Variants in SAMD4B observed in about 807,000 individuals in gnomAD.
The protein encoded by SAMD4B is sterile alpha motif domain containing 4B.
Under a neutral mutation model 74.5 loss-of-function variants are expected in SAMD4B, and 5 were observed. The ratio of observed to expected loss-of-function variants is 0.07; its 90% confidence interval spans 0.04 to 0.14. The LOEUF is 0.14. Ranked by LOEUF, SAMD4B falls within the 10% of genes least tolerant of loss-of-function variation. The pLI is 1.00. For synonymous variants in SAMD4B, 373 were observed against 374.9 expected (o/e 1.00, Z 0.06); for missense variants, 608 against 921.8 (o/e 0.66, Z 4.41).
At chr19:39,357,166 A>C in intron 3 of SAMD4B, 77 bp downstream of exon 3, 2 of 1,333,690 alleles carry the variant, frequency 1.5e-6, no homozygotes, top group Non-Finnish European at 2.0e-6. Context: ...AAGAAGGTCA[A>C]CCCAACAATG....
chr19:39,369,989 C>G lies in SAMD4B; in HGVS notation c.531C>G (p.Gly177=), dbSNP rs933142027. Residue 177 remains glycine (G), a synonymous_variant, in exon 4 of 14, where the codon GGC becomes GGG. Transcript: ENST00000610417. The part of the protein sequence containing the change: ...HSRQGSDEWG[G]PAELGPGEAG... ...GTCAAGGCTCAGATGAGTGGGGGGG[C>G]CCTGCAGAGCTAGGCCCTGGGGAGG... The G allele has an allele frequency of 1.9e-6, 3 of 1,613,054 alleles. No homozygotes were observed. The highest frequency in any genetic ancestry group is 2.7e-5 in the African/African-American group (2 of 74,884).
chr19:39,343,712 C>T (rs767433945), intron 1 of SAMD4B, among the ~76,000 whole-genome samples: 2 of 151,988 alleles, frequency 1.3e-5, no homozygotes, highest in Non-Finnish European at 2.9e-5. Context: ...GGACTCTCAG[C>T]ATCATATTCC....
At chr19:39,379,736 A>G (rs1316449896) in intron 9 of SAMD4B, among the ~76,000 whole-genome samples, 1 of 152,026 alleles carries the variant, frequency 6.6e-6, no homozygotes, top group Admixed American at 6.5e-5. Flanking sequence ...ATGCCTGGAT[A>G]ATTTTTGTAC....
intron 1 of SAMD4B, among the ~76,000 whole-genome samples, chr19:39,346,211 A>G (rs929511668): frequency 6.6e-6 from 1 of 152,192 alleles, no homozygotes; most frequent in Non-Finnish European, 1.5e-5. Flanking sequence ...TACAAATTAT[A>G]TGCTGTAGAA....
chr19:39,388,979 C>T (rs1374477508), downstream of SAMD4B: 1 of 1,614,028 alleles, frequency 6.2e-7, no homozygotes, highest in African/African-American at 1.3e-5. Context: ...ATGACCTCCA[C>T]CGGTGTGACT....
chr19:39,382,182 C>T (rs972526495), intron 12 of SAMD4B, among the ~76,000 whole-genome samples: 3 of 152,108 alleles, frequency 2.0e-5, no homozygotes, highest in Non-Finnish European at 4.4e-5. Flanking sequence ...CTGTTGAGGC[C>T]GTGGGAACCC....
intron 4 of SAMD4B, among the ~76,000 whole-genome samples, chr19:39,373,326 C>T (rs895261616): frequency 2.6e-5 from 4 of 152,120 alleles, no homozygotes; most frequent in African/African-American, 9.7e-5. Context: ...CCTCTTAGCA[C>T]CCTTTTGTCC....
intron 3 of SAMD4B, among the ~76,000 whole-genome samples, chr19:39,357,824 C>T (rs2076416485): frequency 6.6e-6 from 1 of 152,148 alleles, no homozygotes; most frequent in African/African-American, 2.4e-5. Flanking sequence ...TAGTGGATAC[C>T]CGAAAGCTAG....
chr19:39,359,518 A>G (rs1223412571), intron 3 of SAMD4B, among the ~76,000 whole-genome samples: 1 of 152,204 alleles, frequency 6.6e-6, no homozygotes, highest in Non-Finnish European at 1.5e-5. Flanking sequence ...CATGCATATT[A>G]ACCAGTTTGG....
rs75922393 is a variant in SAMD4B, at chr19:39,385,565, G to A, written c.*2038G>A. 3,920 of 489,336 alleles carry A rather than the reference G, an allele frequency of 8.0e-3. 133 individuals carry two copies. Among genetic ancestry groups the A allele is most frequent in the African/African-American group, 0.068 (3,446 of 50,818 alleles). 30.3% of individuals were successfully genotyped at this position (489,336 alleles called of 1,614,324 possible). ...ACCCTCCCTACCCACTTCTGTCCCC[G>A]GCCCCACTGGCAGAATCAGCTTTGA... On this transcript the variant is annotated 3_prime_UTR_variant, in exon 14 of 14. Transcript: ENST00000610417.
intron 2 of SAMD4B, among the ~76,000 whole-genome samples, chr19:39,354,496 A>G (rs574159146): frequency 2.0e-5 from 3 of 152,260 alleles, no homozygotes; most frequent in South Asian, 4.1e-4. Flanking sequence ...TTCACCTTCT[A>G]TAGCTATTTA....
Position 39,355,105 on chromosome 19 carries a change from T to C in SAMD4B, c.-206+1039T>C, listed in dbSNP as rs2076270681. Among the ~76,000 whole-genome samples the C allele has an allele frequency of 2.0e-5, 3 of 152,148 alleles. No individual in the cohort carries two copies. The East Asian group carries it at 5.8e-4, about 29-fold the overall frequency. On this transcript the variant is annotated intron_variant, in intron 2 of 13. Coordinates refer to ENST00000610417, the MANE Select transcript of SAMD4B (RefSeq NM_001384574.2). Reference sequence around the variant, plus strand: ...CCAGTCTGATCTTGAACTCCTGACCTCAAGTGATCCACCTGCCTTAGCCTC... The same window carrying C: ...CCAGTCTGATCTTGAACTCCTGACCCCAAGTGATCCACCTGCCTTAGCCTC...
intron 3 of SAMD4B, among the ~76,000 whole-genome samples, chr19:39,366,787 C>CCTTGG (rs1187068483): frequency 6.6e-6 from 1 of 152,036 alleles, no homozygotes; most frequent in Non-Finnish European, 1.5e-5. Flanking sequence ...AATCCTGAAG[C>CCTTGG]ATGCTAGATG....
chr19:39,358,908 G>A (rs1053807704), intron 3 of SAMD4B, among the ~76,000 whole-genome samples: 5 of 152,192 alleles, frequency 3.3e-5, no homozygotes, highest in Admixed American at 2.6e-4. Flanking sequence ...CTTAGCAACA[G>A]TCACCCTTAT....
chr19:39,377,036 CCTT>C (rs1326953807), intron 7 of SAMD4B, among the ~76,000 whole-genome samples: 3 of 152,244 alleles, frequency 2.0e-5, no homozygotes, highest in African/African-American at 4.8e-5. Context: ...TGACTCTACA[CCTT>C]CTCTCCCCTT....
intron 3 of SAMD4B, among the ~76,000 whole-genome samples, chr19:39,358,061 G>A (rs1313909224): frequency 2.0e-5 from 3 of 152,078 alleles, no homozygotes; most frequent in African/African-American, 4.8e-5. Context: ...ACCTGAGGTC[G>A]GGAGTTCGAG....
intron 1 of SAMD4B, among the ~76,000 whole-genome samples, chr19:39,343,992 C>T (rs927590988): frequency 1.3e-5 from 1 of 77,522 alleles, no homozygotes; most frequent in South Asian, 4.1e-4. Flanking sequence ...ACCCCCCCCC[C>T]CCACACACAC....
At chr19:39,365,346 A>G (rs767224588) in intron 3 of SAMD4B, among the ~76,000 whole-genome samples, 13 of 151,870 alleles carry the variant, frequency 8.6e-5, no homozygotes, top group Non-Finnish European at 1.6e-4. Flanking sequence ...CTGAGTTTAG[A>G]AGCTTGATAC....
At chr19:39,353,515 C>A (rs2076170449) in intron 1 of SAMD4B, among the ~76,000 whole-genome samples, 1 of 151,896 alleles carries the variant, frequency 6.6e-6, no homozygotes, top group South Asian at 2.1e-4. Context: ...TAAAAAATGG[C>A]ATTATATTGT....
Sources: allele counts gnomAD v4.1 joint callset (sites outside exome capture counted in the v4.1 genomes callset), GRCh38; gene constraint gnomAD v4.1.1; transcripts MANE v1.5; gene names NCBI Gene and HGNC (gene_info 2026-07-23, HGNC 2026-07-21).